Variants in SATB2 observed in about 807,000 individuals in gnomAD.
SATB2 encodes SATB homeobox 2.
Under a neutral mutation model 73.4 loss-of-function variants are expected in SATB2, and 1 was observed. That is an observed-to-expected ratio of 0.01 (90% CI 0.00 to 0.06). SATB2 has a LOEUF of 0.06. SATB2 is among the 10% of genes least tolerant of loss of function. The pLI, the probability that SATB2 is intolerant of heterozygous loss-of-function variation, is 1.00. For missense variants in SATB2, 459 were observed against 945.8 expected (o/e 0.49, Z 6.75); for synonymous variants, 397 against 367.0 (o/e 1.08, Z -0.93).
At chr2:199,462,778 C>T (rs1411123715), upstream of SATB2, among the ~76,000 whole-genome samples, 1 of 152,074 alleles carries the variant, frequency 6.6e-6, no homozygotes, top group Non-Finnish European at 1.5e-5. The surrounding 1 kb of genome is among the most constrained non-coding windows in gnomAD (Gnocchi z 5.9). Context: ...AGATACGCCT[C>T]AGAGGGACGA....
intron 9 of SATB2, among the ~76,000 whole-genome samples, chr2:199,313,201 C>T (rs1487518369): frequency 6.6e-6 from 1 of 152,088 alleles, no homozygotes; most frequent in Non-Finnish European, 1.5e-5. Context: ...ATATATAATA[C>T]AGTGCAATGA....
At position 199,380,352 on chromosome 2, in the gene SATB2, G is replaced by A. The variant is rs1689733030; in HGVS notation, c.597+12C>T. 1 of 1,613,788 alleles carries A rather than the reference G, an allele frequency of 6.2e-7. No homozygotes were observed. The highest frequency in any genetic ancestry group is 8.5e-7 in the Non-Finnish European group (1 of 1,179,818). On this transcript the variant is annotated intron_variant, in intron 5 of 10. Coordinates refer to ENST00000417098, the MANE Select transcript of SATB2 (RefSeq NM_001172509.2). ...TCTTCTGTTTCCCAGACCCCCACCT[G>A]AAGATACTGACCTGGGAGAGAGGGC...
chr2:199,405,097 G>T (rs1574596161), intron 3 of SATB2, among the ~76,000 whole-genome samples: 1 of 152,204 alleles, frequency 6.6e-6, no homozygotes, highest in Non-Finnish European at 1.5e-5. Flanking sequence ...GGTTGTCCCA[G>T]TTCAAATGAG....
rs545229537 is a variant in SATB2 at position 199,305,477 on chromosome 2, A to G, written c.1740+3283T>C. On this transcript the variant is annotated intron_variant, in intron 10 of 10. Transcript: ENST00000417098. ...AAGTTTACCTATGTAATGAACCTGT[A>G]CATGTACCCCTGAACTTAAAAGTTA... is the stretch of plus-strand genomic sequence containing the variant. Among the ~76,000 whole-genome samples, 5 of 152,300 alleles carry G rather than the reference A, an allele frequency of 3.3e-5. No homozygotes were observed. In the South Asian group the frequency reaches 8.3e-4, roughly 25 times the overall value.
intron 8 of SATB2, among the ~76,000 whole-genome samples, chr2:199,325,043 G>C (rs1264356015): frequency 6.6e-6 from 1 of 152,092 alleles, no homozygotes; most frequent in African/African-American, 2.4e-5. Flanking sequence ...AGGCAGTGTG[G>C]ACTCTGTGAC....
At chr2:199,460,919 T>G (rs1692460988), upstream of SATB2, among the ~76,000 whole-genome samples, 2 of 152,230 alleles carry the variant, frequency 1.3e-5, no homozygotes, top group South Asian at 4.1e-4. The surrounding 1 kb of genome is among the most constrained non-coding windows in gnomAD (Gnocchi z 4.0). Flanking sequence ...TACATTGTGG[T>G]TAGTTTGTTT....
At position 199,308,574 on chromosome 2, in the gene SATB2, GCA is replaced by G. The variant is rs777414801; in HGVS notation, c.1740+184_1740+185del. On this transcript the variant is annotated intron_variant, in intron 10 of 10. Coordinates refer to ENST00000417098, the MANE Select transcript of SATB2 (RefSeq NM_001172509.2). The surrounding 1 kb of genome is among the most constrained non-coding windows in gnomAD (Gnocchi z 4.6). ...TACACACACACACACGCACGCACATGCACACACACACACATACACATACACAC... is the reference window on the plus strand; with the variant it reads ...TACACACACACACACGCACGCACATGCACACACACACATACACATACACAC... 6.6e-6 allele frequency among the ~76,000 whole-genome samples: 1 copy of G among 150,380 alleles called. No homozygotes were observed. The highest frequency in any genetic ancestry group is 2.5e-5 in the African/African-American group (1 of 40,554).
intron 2 of SATB2, among the ~76,000 whole-genome samples, chr2:199,441,570 CCT>C (rs1186275376): frequency 6.6e-6 from 1 of 152,096 alleles, no homozygotes; most frequent in African/African-American, 2.4e-5. Flanking sequence ...CTTTGCAACC[CCT>C]GAGGCCAATC....
chr2:199,279,877 A>AT (rs1357922441), intron 10 of SATB2, among the ~76,000 whole-genome samples: 1 of 152,254 alleles, frequency 6.6e-6, no homozygotes, highest in Non-Finnish European at 1.5e-5. Context: ...ACGGTAGATG[A>AT]TGCCTATAAT....
intron 3 of SATB2, among the ~76,000 whole-genome samples, chr2:199,389,045 C>A (rs1690041689): frequency 6.6e-6 from 1 of 152,138 alleles, no homozygotes; most frequent in Middle Eastern, 3.4e-3. Flanking sequence ...AAATCACTAC[C>A]CAGCAGTATA....
At chr2:199,403,414 G>A (rs1690540707) in intron 3 of SATB2, among the ~76,000 whole-genome samples, 1 of 152,036 alleles carries the variant, frequency 6.6e-6, no homozygotes. Context: ...TATAAGGAAA[G>A]AAAGAAAAGA....
rs55763647 is a variant in SATB2, at chr2:199,417,036, TCACA to T, written c.346+16298_346+16301del. ...GGGGGACAGAGTGAGACTCCGTCTC[TCACA>T]CACACACACACACACACACACACAC... On this transcript the variant is annotated intron_variant, in intron 3 of 10. Transcript: ENST00000417098. 4.7e-3 allele frequency among the ~76,000 whole-genome samples: 672 copies of T among 144,056 alleles called. 4 individuals are homozygous for T. Among genetic ancestry groups the T allele is most frequent in the Admixed American group, 4.9e-3 (72 of 14,556 alleles). 94.5% of individuals were successfully genotyped at this position (144,056 alleles called of 152,430 possible).
intron 3 of SATB2, chr2:199,397,114 T>A (rs1690324351): frequency 6.6e-6 from 1 of 152,018 alleles, no homozygotes. Flanking sequence ...ATATTCACAA[T>A]CCTCTCTAGT....
chr2:199,346,513 C>T (rs1041885994), intron 7 of SATB2, among the ~76,000 whole-genome samples: 3 of 152,132 alleles, frequency 2.0e-5, no homozygotes, highest in Non-Finnish European at 2.9e-5. Flanking sequence ...AAATTTAAAT[C>T]GCCTACATAA....
At chr2:199,306,900 A>G (rs1197368318) in intron 10 of SATB2, among the ~76,000 whole-genome samples, 6 of 152,182 alleles carry the variant, frequency 3.9e-5, no homozygotes, top group African/African-American at 1.2e-4. Flanking sequence ...CAACTTTATC[A>G]CCATCTTATG....
intron 10 of SATB2, among the ~76,000 whole-genome samples, chr2:199,283,982 T>G (rs1323193825): frequency 6.6e-6 from 1 of 152,198 alleles, no homozygotes; most frequent in Non-Finnish European, 1.5e-5. Flanking sequence ...AAAGAACAAC[T>G]AAAGACAAAC....
chr2:199,349,061 A>C lies in SATB2; in HGVS notation c.813T>G (p.Ser271=), dbSNP rs777362152. Residue 271 remains serine (S), a synonymous_variant, in exon 7 of 11, where the codon TCT becomes TCG. Transcript: ENST00000417098. ...LASLGKTNEQ[S]PHSQIHHSTP... The stretch of plus-strand genomic sequence containing the variant: ...TACTGTGGTGAATTTGGCTGTGAGG[A>C]GACTGTTCGTTGGTTTTCCCCAGGG... The C allele has an allele frequency of 3.1e-6, 5 of 1,613,918 alleles. No individual in the cohort carries two copies. The South Asian group carries it at 4.4e-5, about 14-fold the overall frequency.
chr2:199,282,642 T>C (rs1224820312), intron 10 of SATB2, among the ~76,000 whole-genome samples: 1 of 152,174 alleles, frequency 6.6e-6, no homozygotes, highest in East Asian at 1.9e-4. Context: ...TCTGAAGTCA[T>C]AAGTAGGGTT....
chr2:199,383,154 G>A (rs1689827918), intron 3 of SATB2, among the ~76,000 whole-genome samples: 1 of 152,206 alleles, frequency 6.6e-6, no homozygotes, highest in East Asian at 1.9e-4. Flanking sequence ...ATATGCTGCA[G>A]TATAAATAGT....
Sources: gnomAD v4.1 joint callset for allele counts (sites outside exome capture counted in the v4.1 genomes callset) on GRCh38, gnomAD v4.1.1 for gene constraint, Gnocchi (gnomAD v3.1) non-coding constraint, MANE v1.5 for transcripts, NCBI Gene and HGNC (gene_info 2026-07-23, HGNC 2026-07-21) for gene names.